Variants in NKAIN2 observed in about 807,000 individuals in gnomAD.
NKAIN2 encodes the protein sodium/potassium transporting ATPase interacting 2, also known as sodium/potassium-transporting ATPase subunit beta-1-interacting protein 2.
In NKAIN2, 14 loss-of-function variants were observed where a neutral mutation model predicts 32.6. That is an observed-to-expected ratio of 0.43 (90% CI 0.28 to 0.67). The LOEUF is 0.67. Among genes scored for constraint, NKAIN2 ranks in the 30% least tolerant of loss-of-function variants. The pLI is 0.17. For synonymous variants in NKAIN2, 80 were observed against 87.2 expected, an observed-to-expected ratio of 0.92 and a Z score of 0.46; for missense variants, 198 against 258.3, an observed-to-expected ratio of 0.77 and a Z score of 1.60.
In NKAIN2 at chr6:124,021,426, A is replaced by G. The variant is rs1312969708; in HGVS notation, c.54+217172A>G. ...TTTCTCCTATCAAGACTTAAAGTCT[A>G]GTAATAATTATTACCTATATTAAGT... On this transcript the variant is annotated intron_variant, in intron 1 of 6. Transcript: ENST00000368417. 2.0e-5 allele frequency among the ~76,000 whole-genome samples: 3 copies of G among 152,140 alleles called. No homozygotes were observed. In the East Asian group the frequency reaches 5.8e-4, roughly 29 times the overall value.
chr6:123,862,027 A>T (rs1026851331), intron 1 of NKAIN2, among the ~76,000 whole-genome samples: 13 of 152,248 alleles, frequency 8.5e-5, no homozygotes, highest in Non-Finnish European at 1.5e-4. Context: ...CATTATTATT[A>T]CTACCACTGA....
At chr6:124,516,110 G>C (rs2114784765) in intron 3 of NKAIN2, among the ~76,000 whole-genome samples, 1 of 152,242 alleles carries the variant, frequency 6.6e-6, no homozygotes, top group South Asian at 2.1e-4. Flanking sequence ...CATTGAAGGA[G>C]CTTAATTCTA....
chr6:124,466,049 T>C lies in NKAIN2; in HGVS notation c.273+110702T>C. Among the ~76,000 whole-genome samples the C allele has an allele frequency of 1.3e-5, 2 of 152,132 alleles. 1 individual carries two copies. Among genetic ancestry groups the C allele is most frequent in the Non-Finnish European group, 2.9e-5 (2 of 68,012 alleles). ...ATTAACCATCCTTCTTTCATAGGTT[T>C]AAAATCTTTATTGAAGGGATCACTG... On this transcript the variant is annotated intron_variant, in intron 3 of 6. Coordinates refer to ENST00000368417, the MANE Select transcript of NKAIN2 (RefSeq NM_001040214.3).
At chr6:123,839,005 T>C (rs1774748707) in intron 1 of NKAIN2, among the ~76,000 whole-genome samples, 2 of 152,192 alleles carry the variant, frequency 1.3e-5, no homozygotes, top group African/African-American at 4.8e-5. Context: ...TTCAGCTCCA[T>C]CTGCACCGTA....
chr6:124,005,467 A>G (rs1780039868), intron 1 of NKAIN2, among the ~76,000 whole-genome samples: 1 of 152,142 alleles, frequency 6.6e-6, no homozygotes, highest in South Asian at 2.1e-4. Context: ...TATAATATAT[A>G]TGTATGCCAT....
intron 3 of NKAIN2, among the ~76,000 whole-genome samples, chr6:124,502,692 A>AT (rs1273093946): frequency 6.6e-6 from 1 of 151,958 alleles, no homozygotes; most frequent in Non-Finnish European, 1.5e-5. Context: ...ATCTTCCCTC[A>AT]TTTTTTTCAG....
intron 3 of NKAIN2, among the ~76,000 whole-genome samples, chr6:124,586,027 T>C (rs1562270325): frequency 6.6e-6 from 1 of 152,210 alleles, no homozygotes; most frequent in East Asian, 1.9e-4. Context: ...TAGCTTAATG[T>C]TTCTATTCAC....
intron 1 of NKAIN2, among the ~76,000 whole-genome samples, chr6:124,128,571 A>G (rs1006406502): frequency 2.0e-4 from 31 of 152,156 alleles, no homozygotes; most frequent in African/African-American, 7.2e-4. Flanking sequence ...AATTTTCCCC[A>G]TTATAGTAAT....
At chr6:124,795,546 T>C (rs1779959036) in intron 5 of NKAIN2, among the ~76,000 whole-genome samples, 1 of 152,164 alleles carries the variant, frequency 6.6e-6, no homozygotes, top group South Asian at 2.1e-4. Flanking sequence ...CCCAGTTTGA[T>C]TGATATTTAT....
At chr6:124,517,431 C>G (rs1205734460) in intron 3 of NKAIN2, among the ~76,000 whole-genome samples, 1 of 152,102 alleles carries the variant, frequency 6.6e-6, no homozygotes, top group Non-Finnish European at 1.5e-5. Flanking sequence ...ACTTTTACTT[C>G]CCAGATTTGC....
chr6:124,415,510 A>G (rs1583217216), intron 3 of NKAIN2, among the ~76,000 whole-genome samples: 1 of 152,328 alleles, frequency 6.6e-6, no homozygotes, highest in African/African-American at 2.4e-5. Flanking sequence ...AGCTCTGTGA[A>G]TCCTGTCCTT....
chr6:124,360,561 T>G (rs919003318), intron 3 of NKAIN2, among the ~76,000 whole-genome samples: 3 of 152,110 alleles, frequency 2.0e-5, no homozygotes, highest in Non-Finnish European at 4.4e-5. Context: ...TATTAAAATT[T>G]CCATTAACAT....
At chr6:124,345,688 T>C (rs1227419685) in intron 2 of NKAIN2, among the ~76,000 whole-genome samples, 3 of 151,918 alleles carry the variant, frequency 2.0e-5, no homozygotes, top group Non-Finnish European at 4.4e-5. Flanking sequence ...ATATCCCCTT[T>C]ATCATTTTTT....
chr6:124,652,021 G>T (rs1562306062), intron 3 of NKAIN2, among the ~76,000 whole-genome samples: 1 of 151,976 alleles, frequency 6.6e-6, no homozygotes, highest in African/African-American at 2.4e-5. Flanking sequence ...ATCTAGTTTT[G>T]TCTTTAAATA....
At chr6:124,053,872 A>G (rs1562331049) in intron 1 of NKAIN2, among the ~76,000 whole-genome samples, 2 of 152,062 alleles carry the variant, frequency 1.3e-5, no homozygotes, top group Non-Finnish European at 2.9e-5. Context: ...TACAATTGTT[A>G]CCCATACAAA....
intron 3 of NKAIN2, among the ~76,000 whole-genome samples, chr6:124,388,797 A>G (rs1237591092): frequency 6.6e-6 from 1 of 152,064 alleles, no homozygotes; most frequent in Non-Finnish European, 1.5e-5. Context: ...TCATATTGTG[A>G]ACAAGTATGC....
intron 1 of NKAIN2, among the ~76,000 whole-genome samples, chr6:123,922,210 A>T (rs1336598738): frequency 6.6e-6 from 1 of 152,238 alleles, no homozygotes; most frequent in East Asian, 1.9e-4. Context: ...TAGTTAAGCA[A>T]GTTTCTAAAC....
chr6:124,069,646 C>T (rs1449940477), intron 1 of NKAIN2, among the ~76,000 whole-genome samples: 1 of 152,130 alleles, frequency 6.6e-6, no homozygotes, highest in Non-Finnish European at 1.5e-5. Flanking sequence ...TGTTGCTTCC[C>T]CAGTCCCAGC....
intron 3 of NKAIN2, among the ~76,000 whole-genome samples, chr6:124,494,102 A>T (rs1419751859): frequency 6.6e-6 from 1 of 152,068 alleles, no homozygotes; most frequent in South Asian, 2.1e-4. Context: ...CTCCATCTTG[A>T]TATATCTGTT....
Sources: allele counts gnomAD v4.1 joint callset (sites outside exome capture counted in the v4.1 genomes callset), GRCh38; gene constraint gnomAD v4.1.1; transcripts MANE v1.5; gene names NCBI Gene and HGNC (gene_info 2026-07-23, HGNC 2026-07-21).